The following IMMP2L variants were observed in gnomAD, a reference collection of about 807,000 sequenced individuals.
IMMP2L encodes mitochondrial inner membrane protease subunit 2.
In IMMP2L, 18 loss-of-function variants were observed where a neutral mutation model predicts 19.3. That is an observed-to-expected ratio of 0.93 (90% confidence interval 0.64 to 1.38). The LOEUF (loss-of-function observed/expected upper bound fraction) is 1.38, where lower values mean the gene tolerates loss of function less well. Ranked by LOEUF, IMMP2L falls within the 40% of genes most tolerant of loss-of-function variation. The pLI is 0.00. For synonymous variants in IMMP2L, 76 were observed against 73.0 expected (o/e 1.04, Z -0.21); for missense variants, 233 against 218.2 (o/e 1.07, Z -0.43).
chr7:111,004,143 T>C (rs1447750272), intron 3 of IMMP2L, among the ~76,000 whole-genome samples: 3 of 152,122 alleles, frequency 2.0e-5, no homozygotes, highest in Non-Finnish European at 4.4e-5. Context: ...AGTGATCTTA[T>C]ACAGGTCACA....
intron 3 of IMMP2L, among the ~76,000 whole-genome samples, chr7:111,214,786 A>C (rs948455503): frequency 6.9e-6 from 1 of 143,980 alleles, no homozygotes; most frequent in Non-Finnish European, 1.5e-5. Flanking sequence ...ATAACCATGT[A>C]AAAAAAAAAA....
At chr7:111,141,426 G>A (rs1347494866) in intron 3 of IMMP2L, among the ~76,000 whole-genome samples, 1 of 150,522 alleles carries the variant, frequency 6.6e-6, no homozygotes, top group African/African-American at 2.5e-5. Context: ...AGTATGCCAG[G>A]GTTACATTTC....
In IMMP2L at chr7:110,829,746, C is replaced by T. The variant is rs114026146; in HGVS notation, c.408+56847G>A. Among the ~76,000 whole-genome samples, 843 of 152,248 alleles carry T rather than the reference C, an allele frequency of 5.5e-3. 13 individuals carry two copies. Among genetic ancestry groups the T allele is most frequent in the African/African-American group, 0.019 (798 of 41,550 alleles). On this transcript the variant is annotated intron_variant, in intron 5 of 5. Coordinates refer to ENST00000405709, the MANE Select transcript of IMMP2L (RefSeq NM_032549.4). Reference sequence around the variant, plus strand: ...TAAATCTAGTTTTAGAACTTGAAATCCTCAAGACTCTGCATTTGGTCTCTT... The same window carrying T: ...TAAATCTAGTTTTAGAACTTGAAATTCTCAAGACTCTGCATTTGGTCTCTT...
intron 2 of IMMP2L, among the ~76,000 whole-genome samples, chr7:111,518,204 A>G (rs963199737): frequency 2.6e-5 from 4 of 152,156 alleles, no homozygotes; most frequent in Admixed American, 6.6e-5. Flanking sequence ...TATTTCTCAT[A>G]GAGGGAATCT....
intron 5 of IMMP2L, among the ~76,000 whole-genome samples, chr7:110,842,987 T>C (rs1477875290): frequency 6.6e-6 from 1 of 152,124 alleles, no homozygotes; most frequent in African/African-American, 2.4e-5. Flanking sequence ...TTAGAAAAAC[T>C]AAATTAGCTA....
At chr7:111,018,000 G>A (rs552949840) in intron 3 of IMMP2L, among the ~76,000 whole-genome samples, 46 of 152,222 alleles carry the variant, frequency 3.0e-4, no homozygotes, top group African/African-American at 1.1e-3. Context: ...TGAAAGCAAT[G>A]GATATATTTA....
At chr7:110,703,835 C>T (rs1327538963) in intron 5 of IMMP2L, among the ~76,000 whole-genome samples, 2 of 151,928 alleles carry the variant, frequency 1.3e-5, no homozygotes, top group African/African-American at 2.4e-5. Context: ...TTTCTAATTG[C>T]TCTTAAGAGA....
intron 5 of IMMP2L, among the ~76,000 whole-genome samples, chr7:110,818,049 A>G (rs374074069): frequency 6.6e-6 from 1 of 152,088 alleles, no homozygotes; most frequent in African/African-American, 2.4e-5. Flanking sequence ...GGACATAGGC[A>G]TGGGCAAGGA....
At position 110,670,700 on chromosome 7, in the gene IMMP2L, A is replaced by AC. The variant is rs1490859702; in HGVS notation, c.409-6980_409-6979insG. ...GCAAGACTCCGTCTCAAAAAAAAAA[A>AC]AAAACAAAAAAAACAAAAAAAACCC... is the stretch of plus-strand genomic sequence containing the variant. On this transcript the variant is annotated intron_variant, in intron 5 of 5. Coordinates refer to ENST00000405709, the MANE Select transcript of IMMP2L (RefSeq NM_032549.4). Among the ~76,000 whole-genome samples, 55 of 151,042 alleles carry AC rather than the reference A, an allele frequency of 3.6e-4. 2 individuals are homozygous for AC. The Middle Eastern group carries it at 0.014, about 38-fold the overall frequency.
intron 3 of IMMP2L, among the ~76,000 whole-genome samples, chr7:111,376,356 C>T (rs1830677624): frequency 6.6e-6 from 1 of 152,052 alleles, no homozygotes; most frequent in African/African-American, 2.4e-5. Flanking sequence ...CCACGAGATA[C>T]TACCTCACAT....
At chr7:111,307,521 T>C (rs1407721992) in intron 3 of IMMP2L, among the ~76,000 whole-genome samples, 1 of 151,798 alleles carries the variant, frequency 6.6e-6, no homozygotes, top group East Asian at 1.9e-4. Context: ...GGTTCCAGAG[T>C]GATACTTCTC....
intron 3 of IMMP2L, among the ~76,000 whole-genome samples, chr7:111,027,954 G>T (rs1827029493): frequency 6.6e-6 from 1 of 151,870 alleles, no homozygotes; most frequent in Admixed American, 6.6e-5. Context: ...AAAATGAAAG[G>T]CAAAAGCAAA....
chr7:111,265,042 C>T (rs1338325844), intron 3 of IMMP2L, among the ~76,000 whole-genome samples: 2 of 152,102 alleles, frequency 1.3e-5, no homozygotes, highest in African/African-American at 4.8e-5. Flanking sequence ...TCATTGAAAA[C>T]AATTATCAAC....
intron 5 of IMMP2L, among the ~76,000 whole-genome samples, chr7:110,773,909 T>TAA (rs67518606): frequency 0.014 from 1,886 of 138,486 alleles, 41 homozygotes; most frequent in African/African-American, 0.046. Flanking sequence ...TTGGGTAAAA[T>TAA]AAAAAAAAAA....
In IMMP2L at chr7:111,083,755, G is replaced by A. The variant is rs546294198; in HGVS notation, c.240-120190C>T. The stretch of plus-strand genomic sequence containing the variant: ...CTACCAAGTTTCAGTGTCTTGCATC[G>A]AGTTAAACTCAACAAATGCTATTTA... On this transcript the variant is annotated intron_variant, in intron 3 of 5. Transcript: ENST00000405709. Among the ~76,000 whole-genome samples, 3 of 152,232 alleles carry A rather than the reference G, an allele frequency of 2.0e-5. No individual in the cohort carries two copies. In the South Asian group the frequency reaches 6.2e-4, roughly 32 times the overall value.
chr7:111,433,566 GT>G (rs1836848765), intron 3 of IMMP2L, among the ~76,000 whole-genome samples: 1 of 151,872 alleles, frequency 6.6e-6, no homozygotes, highest in African/African-American at 2.4e-5. Context: ...CTCCCACCAT[GT>G]CCTTCCTACA....
intron 2 of IMMP2L, among the ~76,000 whole-genome samples, chr7:111,494,763 AATAGG>A (rs1843435086): frequency 6.6e-6 from 1 of 152,180 alleles, no homozygotes; most frequent in Non-Finnish European, 1.5e-5. Flanking sequence ...GCAGTCAACA[AATAGG>A]ACACTAATGA....
rs113434701 is a variant in IMMP2L, at chr7:111,286,368, C to A, written c.239+200870G>T. Among the ~76,000 whole-genome samples, 287 of 152,116 alleles carry A rather than the reference C, an allele frequency of 1.9e-3. 2 individuals carry two copies. The highest frequency in any genetic ancestry group is 4.4e-4 in the Non-Finnish European group (30 of 67,998). Reference sequence around the variant, plus strand: ...GACCATCTCCTTAAGCATTCCACCACGATCAACGCAATAATGACTTAACTG... The same window carrying A: ...GACCATCTCCTTAAGCATTCCACCAAGATCAACGCAATAATGACTTAACTG... On this transcript the variant is annotated intron_variant, in intron 3 of 5. Transcript: ENST00000405709.
chr7:111,510,343 C>T (rs1189249126), intron 2 of IMMP2L, among the ~76,000 whole-genome samples: 2 of 152,026 alleles, frequency 1.3e-5, no homozygotes, highest in Non-Finnish European at 2.9e-5. Context: ...GCATCGTGTC[C>T]TCAACTGGAT....
Sources: gnomAD v4.1 joint callset for allele counts (sites outside exome capture counted in the v4.1 genomes callset) on GRCh38, gnomAD v4.1.1 for gene constraint, MANE v1.5 for transcripts, NCBI Gene and HGNC (gene_info 2026-07-23, HGNC 2026-07-21) for gene names.